The following JCAD variants were observed in gnomAD, a reference collection of about 807,000 sequenced individuals.
JCAD encodes junctional cadherin 5 associated.
JCAD carries 40 observed loss-of-function variants against 98.0 expected under a neutral mutation model. That is an observed-to-expected ratio of 0.41 (90% CI 0.32 to 0.53). The LOEUF (loss-of-function observed/expected upper bound fraction) is 0.53, where lower values mean the gene tolerates loss of function less well. Ranked by LOEUF, JCAD falls within the 20% of genes least tolerant of loss-of-function variation. The pLI, the probability that JCAD is intolerant of heterozygous loss-of-function variation, is 0.31. For synonymous variants in JCAD, 691 were observed against 682.3 expected, an observed-to-expected ratio of 1.01 and a Z score of -0.20; for missense variants, 1,705 against 1,738.1, an observed-to-expected ratio of 0.98 and a Z score of 0.34.
intron 2 of JCAD, among the ~76,000 whole-genome samples, chr10:30,040,687 G>C (rs1837225943): frequency 1.3e-5 from 2 of 152,214 alleles, no homozygotes; most frequent in Admixed American, 1.3e-4. Context: ...CTGGGTCTCT[G>C]GTGATGACAC....
Position 30,026,652 on chromosome 10 carries a change from C to T in JCAD, c.3496G>A (p.Ala1166Thr). Residue 1166 changes from alanine (A) to threonine (T), a missense_variant, in exon 3 of 4, where the codon GCC becomes ACC. Physicochemically the swap from Ala to Thr is moderately conservative, Grantham distance 58. Coordinates refer to ENST00000375377, the MANE Select transcript of JCAD (RefSeq NM_020848.4). ...TCAAAAGCCTGAGGAGCCCGCCTGG[C>T]ACTGTCCCTGTCCCCTACAAAGAGA... ...SPLFVGDRDS[A>T]RRAPQAFEHS... 1 of 1,613,140 alleles carries T rather than the reference C, an allele frequency of 6.2e-7. No homozygotes were observed. Among genetic ancestry groups the T allele is most frequent in the Non-Finnish European group, 8.5e-7 (1 of 1,180,028 alleles).
chr10:30,109,508 T>G (rs955457031), intron 1 of JCAD, among the ~76,000 whole-genome samples: 1 of 152,140 alleles, frequency 6.6e-6, no homozygotes, highest in Non-Finnish European at 1.5e-5. Context: ...TCACCCAATC[T>G]TGTTGCTTTT....
Position 30,017,246 on chromosome 10 carries a change from A to C in JCAD, c.*637T>G, listed in dbSNP as rs1419153288. On this transcript the variant is annotated 3_prime_UTR_variant, in exon 4 of 4. Coordinates refer to ENST00000375377, the MANE Select transcript of JCAD (RefSeq NM_020848.4). ...AATATTTCACTGCCAGATAAATAAT[A>C]CTCTTAGTATATTACAGTACAAGTT... 6.6e-6 allele frequency: 1 copy of C among 152,248 alleles called. No homozygotes were observed. Among genetic ancestry groups the C allele is most frequent in the East Asian group, 1.9e-4 (1 of 5,198 alleles). The allele number at this position is 152,248 out of a possible 1,614,324, so 9.4% of individuals were successfully genotyped here.
intron 1 of JCAD, among the ~76,000 whole-genome samples, chr10:30,091,973 A>G (rs1838274445): frequency 7.6e-6 from 1 of 131,424 alleles, no homozygotes; most frequent in South Asian, 2.7e-4. Flanking sequence ...GGTTGCAGTG[A>G]GCCAAGATCA....
chr10:30,050,739 G>A (rs915745137), intron 1 of JCAD, among the ~76,000 whole-genome samples: 6 of 152,140 alleles, frequency 3.9e-5, no homozygotes, highest in South Asian at 2.1e-4. Flanking sequence ...TCTTTCAATC[G>A]TAGTTAACTG....
chr10:30,072,152 A>G (rs1837904209), intron 1 of JCAD, among the ~76,000 whole-genome samples: 1 of 150,980 alleles, frequency 6.6e-6, no homozygotes, highest in Non-Finnish European at 1.5e-5. Context: ...AGGGAAGGGA[A>G]GAAGGGAGGA....
chr10:30,026,794 G>A lies in JCAD; in HGVS notation c.3354C>T (p.Ala1118=), dbSNP rs199798547. ...QNQPAEPDAS[A]CTPESPQEEL... is the part of the protein sequence containing the mutation. Reference sequence around the variant, plus strand: ...CTTCCTGGGGGGACTCTGGGGTGCAGGCACTTGCATCGGGCTCAGCAGGCT... The same window carrying A: ...CTTCCTGGGGGGACTCTGGGGTGCAAGCACTTGCATCGGGCTCAGCAGGCT... Residue 1118 remains alanine (A), a synonymous_variant, in exon 3 of 4, where the codon GCC becomes GCT. Transcript: ENST00000375377. The A allele has an allele frequency of 2.5e-6, 4 of 1,614,002 alleles. No individual in the cohort carries two copies.
chr10:30,107,915 A>G (rs1838615593), intron 1 of JCAD, among the ~76,000 whole-genome samples: 1 of 152,138 alleles, frequency 6.6e-6, no homozygotes, highest in African/African-American at 2.4e-5. Context: ...AAATGGCCAT[A>G]GTGTCTAATA....
chr10:30,097,055 G>A (rs1166181224), intron 1 of JCAD, among the ~76,000 whole-genome samples: 1 of 152,136 alleles, frequency 6.6e-6, no homozygotes. Flanking sequence ...CAGCATCAAT[G>A]ACAATAATGT....
At chr10:30,060,252 C>T (rs1395542672), upstream of JCAD, among the ~76,000 whole-genome samples, 1 of 152,176 alleles carries the variant, frequency 6.6e-6, no homozygotes, top group Non-Finnish European at 1.5e-5. Context: ...ACCTTCAGAT[C>T]AGCTGGCCCA....
intron 2 of JCAD, among the ~76,000 whole-genome samples, chr10:30,040,973 A>T (rs139596757): frequency 2.7e-4 from 41 of 152,186 alleles, no homozygotes; most frequent in African/African-American, 9.6e-4. Flanking sequence ...CCTCTTGGGG[A>T]TGGCATAACC....
Position 30,016,512 on chromosome 10 carries a change from G to T in JCAD, c.*1371C>A, listed in dbSNP as rs553441534. On this transcript the variant is annotated 3_prime_UTR_variant, in exon 4 of 4. Coordinates refer to ENST00000375377, the MANE Select transcript of JCAD (RefSeq NM_020848.4). ...GAAAAAATGCATAAACTTTGTGCAG[G>T]TTAATGCAGTATTAAACACAGTAGA... The T allele has an allele frequency of 4.5e-4, 69 of 152,256 alleles. No individual in the cohort carries two copies. The highest frequency in any genetic ancestry group is 1.5e-3 in the African/African-American group (62 of 41,546). 9.4% of individuals were successfully genotyped at this position (152,256 alleles called of 1,614,324 possible).
At chr10:30,104,646 C>A (rs1838535748) in intron 1 of JCAD, among the ~76,000 whole-genome samples, 1 of 152,108 alleles carries the variant, frequency 6.6e-6, no homozygotes, top group South Asian at 2.1e-4. Context: ...GTGATGGGAC[C>A]ATCCACACCC....
intron 1 of JCAD, among the ~76,000 whole-genome samples, chr10:30,053,590 G>T (rs887143132): frequency 6.7e-6 from 1 of 150,162 alleles, no homozygotes; most frequent in Non-Finnish European, 1.5e-5. Flanking sequence ...GAAAAGAAAA[G>T]AATTATTAAT....
At position 30,071,991 on chromosome 10, in the gene JCAD, A is replaced by G. The variant is rs1284136308; in HGVS notation, n.129-2170T>C. ...GATACTCTGTTCACCTGAGATTATAATATTAACCTCAGGAAATCTTGATGG... is the reference window on the plus strand; with the variant it reads ...GATACTCTGTTCACCTGAGATTATAGTATTAACCTCAGGAAATCTTGATGG... On this transcript the variant is annotated intron_variant and non_coding_transcript_variant, in intron 1 of 2. Coordinates refer to the JCAD transcript ENST00000465712. Among the ~76,000 whole-genome samples the G allele has an allele frequency of 6.6e-5, 10 of 152,196 alleles. No individual in the cohort carries two copies. The East Asian group carries it at 1.7e-3, about 26-fold the overall frequency.
At chr10:30,025,195 C>T (rs1202834080) in intron 3 of JCAD, among the ~76,000 whole-genome samples, 1 of 151,878 alleles carries the variant, frequency 6.6e-6, no homozygotes, top group Admixed American at 6.6e-5. Flanking sequence ...CTCGTAAGGA[C>T]CAAGTTTTTC....
intron 1 of JCAD, among the ~76,000 whole-genome samples, chr10:30,113,867 C>T (rs1838747962): frequency 6.6e-6 from 1 of 152,176 alleles, no homozygotes; most frequent in Non-Finnish European, 1.5e-5. Context: ...TTCTTAGGTG[C>T]ATTTTCCTTT....
intron 1 of JCAD, among the ~76,000 whole-genome samples, chr10:30,108,682 T>G (rs1473706797): frequency 2.0e-5 from 3 of 152,192 alleles, no homozygotes; most frequent in African/African-American, 7.2e-5. Flanking sequence ...ACTAGAGTTT[T>G]CACTAAGTCC....
chr10:30,054,754 C>T (rs1837534186), intron 1 of JCAD, among the ~76,000 whole-genome samples: 1 of 151,496 alleles, frequency 6.6e-6, no homozygotes, highest in African/African-American at 2.4e-5. Flanking sequence ...CTGCAGGCTC[C>T]GCCCCCTGGG....
Sources: allele counts gnomAD v4.1 joint callset (sites outside exome capture counted in the v4.1 genomes callset), GRCh38; gene constraint gnomAD v4.1.1; transcripts MANE v1.5; gene names NCBI Gene and HGNC (gene_info 2026-07-23, HGNC 2026-07-21).